TUBB8B: variants seen among roughly 807,000 people sequenced by gnomAD.
The protein encoded by TUBB8B is HSA18p11 beta-tubulin 4Q pseudogene.
In TUBB8B, 26 loss-of-function variants were observed where a neutral mutation model predicts 31.9. The ratio of observed to expected loss-of-function variants is 0.81; its 90% CI spans 0.60 to 1.13. TUBB8B has a LOEUF of 1.13. TUBB8B is among the 50% of genes most tolerant of loss of function. The pLI is 0.00. For missense variants in TUBB8B, 467 were observed against 586.7 expected, an observed-to-expected ratio of 0.80 and a Z score of 2.11; for synonymous variants, 173 against 231.0, an observed-to-expected ratio of 0.75 and a Z score of 2.28.
chr18:67,800 G>A, the TUBB8B span, among the ~76,000 whole-genome samples: 1 of 152,086 alleles, frequency 6.6e-6, no homozygotes, highest in African/African-American at 2.4e-5. Context: ...GAAGACTGAT[G>A]TGAAGCCCAC....
At chr18:72,862 G>A in the TUBB8B span, among the ~76,000 whole-genome samples, 1 of 152,138 alleles carries the variant, frequency 6.6e-6, no homozygotes, top group Non-Finnish European at 1.5e-5. Context: ...AGCTACTCGA[G>A]AGGCTGAGGC....
Position 49,254 on chromosome 18 carries a change from G to T in TUBB8B, c.58-17C>A. On this transcript the variant is annotated splice_polypyrimidine_tract_variant and intron_variant, in intron 1 of 3. Coordinates refer to ENST00000308911, the MANE Select transcript of TUBB8B (RefSeq NM_001358689.2). Reference sequence around the variant, plus strand: ...CTCCCAGAACTGCAAGAGACGGGAGGGGCCAGACAGGCCGGGGCTGAGTCA... The same window carrying T: ...CTCCCAGAACTGCAAGAGACGGGAGTGGCCAGACAGGCCGGGGCTGAGTCA... The T allele has an allele frequency of 6.5e-7, 1 of 1,528,704 alleles. No homozygotes were observed. The highest frequency in any genetic ancestry group is 8.8e-7 in the Non-Finnish European group (1 of 1,140,252). The allele number at this position is 1,528,704 out of a possible 1,614,324, so 94.7% of individuals were successfully genotyped here. A position where few individuals can be genotyped will look rare whatever the true frequency, so the allele number is the denominator to read the frequency against.
chr18:55,166 A>G, the TUBB8B span, among the ~76,000 whole-genome samples: 1 of 151,710 alleles, frequency 6.6e-6, no homozygotes, highest in Non-Finnish European at 1.5e-5. Context: ...CACTGGTATG[A>G]TCTCGGTTCA....
At chr18:56,420 A>AT in the TUBB8B span, among the ~76,000 whole-genome samples, 2 of 151,786 alleles carry the variant, frequency 1.3e-5, no homozygotes, top group Non-Finnish European at 2.9e-5. Flanking sequence ...TTGTATGGAC[A>AT]TTTTTTAAAA....
In TUBB8B at chr18:47,767, G is replaced by C; in HGVS notation, c.958C>G (p.Arg320Gly). 6.2e-7 allele frequency: 1 copy of C among 1,611,458 alleles called. No homozygotes were observed. The stretch of plus-strand genomic sequence containing the variant: ...TCATCCACCTCCCTCATGGGCATGC[G>C]ACCCCTGAAAATGGCAGCCACCGTT... ...YLTVAAIFRG[R>G]MPMREVDEQM... The change falls in exon 4 of 4, where the codon CGC becomes GGC. Residue 320 changes from arginine (R) to glycine (G), a missense_variant. By Grantham distance (125) the Arg-to-Gly change is moderately radical. Coordinates refer to ENST00000308911, the MANE Select transcript of TUBB8B (RefSeq NM_001358689.2).
chr18:55,287 G>A, the TUBB8B span, among the ~76,000 whole-genome samples: 1 of 151,790 alleles, frequency 6.6e-6, no homozygotes, highest in Non-Finnish European at 1.5e-5. Context: ...TTTTAGTGGA[G>A]ACGGGGTTTC....
the TUBB8B span, among the ~76,000 whole-genome samples, chr18:63,955 C>T: frequency 0.011 from 1,673 of 150,960 alleles, 11 homozygotes; most frequent in Non-Finnish European, 0.016. Context: ...TTACCCTAAC[C>T]CTAACCCCTA....
upstream of TUBB8B, among the ~76,000 whole-genome samples, chr18:53,022 G>A (rs1397657483): frequency 1.3e-5 from 2 of 151,734 alleles, no homozygotes; most frequent in African/African-American, 2.4e-5. Context: ...GCACTCCTAG[G>A]ACATTTATAC....
chr18:47,681 G>C lies in TUBB8B; in HGVS notation c.1044C>G (p.Asn348Lys), dbSNP rs780356885. 1.9e-6 allele frequency: 3 copies of C among 1,612,228 alleles called. No homozygotes were observed. Among genetic ancestry groups the C allele is most frequent in the South Asian group, 1.1e-5 (1 of 90,994 alleles). ...SSYFADWFPD[N>K]VKTAVCDIPP... ...GGATGTCACAGACGGCTGTTTTTAC[G>C]TTGTCGGGGAACCAGTCAGCAAAGT... Residue 348 changes from asparagine (N) to lysine (K), a missense_variant, in exon 4 of 4, where the codon AAC becomes AAG. Physicochemically the swap from Asn to Lys is moderately conservative, Grantham distance 94 (BLOSUM62 0). Coordinates refer to ENST00000308911, the MANE Select transcript of TUBB8B (RefSeq NM_001358689.2).
At chr18:52,090 T>TA (rs1229098429), upstream of TUBB8B, among the ~76,000 whole-genome samples, 12 of 151,914 alleles carry the variant, frequency 7.9e-5, 1 homozygote. Flanking sequence ...CTTTAGCTTC[T>TA]AGGACCACCT....
At chr18:62,061 A>C in the TUBB8B span, among the ~76,000 whole-genome samples, 3 of 151,728 alleles carry the variant, frequency 2.0e-5, no homozygotes, top group Non-Finnish European at 2.9e-5. Flanking sequence ...TTGTCGGAAA[A>C]AGTTCTTATT....
At chr18:62,355 G>C in the TUBB8B span, among the ~76,000 whole-genome samples, 1 of 150,382 alleles carries the variant, frequency 6.6e-6, no homozygotes, top group Non-Finnish European at 1.5e-5. Flanking sequence ...TAACTTTCTT[G>C]TACTTGAATG....
chr18:47,898 C>T lies in TUBB8B; in HGVS notation c.827G>A (p.Arg276Gln), dbSNP rs55979329. The change falls in exon 4 of 4, where the codon CGG becomes CAG. Residue 276 changes from arginine to glutamine, a missense_variant. This residue lies in a region of TUBB8B where 259 missense variants were observed against 380.1 expected (regional missense o/e 0.68). Coordinates refer to ENST00000308911, the MANE Select transcript of TUBB8B (RefSeq NM_001358689.2). The stretch of plus-strand genomic sequence containing the variant: ...CAAGGCCCGGTACTGCTGGCTGCCC[C>T]GGCTGGTCAGTGGGGCAAAGCCGGG... ...FMPGFAPLTS[R>Q]GSQQYRALTV... 0.17 allele frequency: 239,491 copies of T among 1,374,294 alleles called. 4,756 individuals are homozygous for T. The highest frequency in any genetic ancestry group is 0.3 in the African/African-American group (18,873 of 63,470). 85.1% of individuals were successfully genotyped at this position (1,374,294 alleles called of 1,614,324 possible).
chr18:50,859 G>A (rs1335152679), upstream of TUBB8B, among the ~76,000 whole-genome samples: 1 of 152,006 alleles, frequency 6.6e-6, no homozygotes, highest in Non-Finnish European at 1.5e-5. Flanking sequence ...CTCTTTTGAT[G>A]TCCTCTGCAA....
chr18:58,666 A>C, the TUBB8B span, among the ~76,000 whole-genome samples: 1 of 151,768 alleles, frequency 6.6e-6, no homozygotes, highest in Non-Finnish European at 1.5e-5. Context: ...TGAATCCTAC[A>C]AACTCTTCCA....
chr18:71,569 TAAAAAAAAAAAAAAAAA>T, the TUBB8B span, among the ~76,000 whole-genome samples: 1 of 57,606 alleles, frequency 1.7e-5, no homozygotes, highest in African/African-American at 7.5e-5. Flanking sequence ...AAAAAAAATT[TAAAAAAAAAAAAAAAAA>T]AAAAAAAAAG....
chr18:60,048 G>C, the TUBB8B span, among the ~76,000 whole-genome samples: 1 of 151,666 alleles, frequency 6.6e-6, no homozygotes, highest in African/African-American at 2.4e-5. Context: ...TCTTTGTCTT[G>C]TTTTGATATC....
chr18:64,024 A>G, the TUBB8B span, among the ~76,000 whole-genome samples: 365 of 145,272 alleles, frequency 2.5e-3, no homozygotes, highest in African/African-American at 9.0e-3. Flanking sequence ...CCCAACCCTA[A>G]CCCTTAACCC....
At chr18:71,316 G>A in the TUBB8B span, among the ~76,000 whole-genome samples, 5 of 151,912 alleles carry the variant, frequency 3.3e-5, no homozygotes, top group African/African-American at 1.2e-4. Flanking sequence ...GGGAGGCAAA[G>A]GCAGGTGGAT....
Sources: gnomAD v4.1 joint callset for allele counts (sites outside exome capture counted in the v4.1 genomes callset) on GRCh38, gnomAD v4.1.1 for gene constraint, gnomAD v4.1.1 regional missense constraint, MANE v1.5 for transcripts, NCBI Gene and HGNC (gene_info 2026-07-23, HGNC 2026-07-21) for gene names.